Variants in DOT1L observed in about 807,000 individuals in gnomAD.
The protein encoded by DOT1L is histone-lysine N-methyltransferase, H3 lysine-79 specific.
DOT1L carries 33 observed loss-of-function variants against 153.3 expected under a neutral mutation model. The ratio of observed to expected loss-of-function variants is 0.22; its 90% CI spans 0.16 to 0.29. DOT1L has a LOEUF of 0.29. Ranked by LOEUF, DOT1L falls within the 10% of genes least tolerant of loss-of-function variation. DOT1L has a pLI of 1.00. For synonymous variants in DOT1L, 1,135 were observed against 965.1 expected, an observed-to-expected ratio of 1.18 and a Z score of -3.26; for missense variants, 1,847 against 2,119.9, an observed-to-expected ratio of 0.87 and a Z score of 2.53.
rs773049220 is a variant in DOT1L, at chr19:2,191,253, C to T, written c.493+13C>T. 30 of 1,612,542 alleles carry T rather than the reference C, an allele frequency of 1.9e-5. No individual in the cohort carries two copies. The highest frequency in any genetic ancestry group is 1.1e-4 in the East Asian group (5 of 44,856). On this transcript the variant is annotated intron_variant, in intron 5 of 27. Coordinates refer to ENST00000398665, the MANE Select transcript of DOT1L (RefSeq NM_032482.3). The surrounding 1 kb of genome is among the most constrained non-coding windows in gnomAD (Gnocchi z 6.8). ...GACTTGGGGAGCGGTGAGTGTCGCC[C>T]GCCATGCCCGGCTCCTGTGCACTTC...
chr19:2,195,001 G>C (rs955813791), intron 7 of DOT1L, among the ~76,000 whole-genome samples: 21 of 152,136 alleles, frequency 1.4e-4, no homozygotes, highest in African/African-American at 5.1e-4. Flanking sequence ...AGCAACCTCG[G>C]GGTGGGCAGT....
At position 2,217,716 on chromosome 19, in the gene DOT1L, C is replaced by A. The variant is rs961868616; in HGVS notation, c.2545-56C>A. 33 of 1,556,764 alleles carry A rather than the reference C, an allele frequency of 2.1e-5. No homozygotes were observed. Among genetic ancestry groups the A allele is most frequent in the Non-Finnish European group, 2.4e-5 (28 of 1,150,772 alleles). ...GGCCCCCGTCCTGTGGCTGTGGTCC[C>A]TGTGTCCTGGAGGGGTTTGTTGACC... On this transcript the variant is annotated intron_variant, in intron 21 of 27. Coordinates refer to ENST00000398665, the MANE Select transcript of DOT1L (RefSeq NM_032482.3). The surrounding 1 kb of genome is among the most constrained non-coding windows in gnomAD (Gnocchi z 7.3).
chr19:2,169,342 TAGGA>T (rs995378950), intron 1 of DOT1L, among the ~76,000 whole-genome samples: 1 of 152,072 alleles, frequency 6.6e-6, no homozygotes, highest in Non-Finnish European at 1.5e-5. Context: ...TCGCTTTAAA[TAGGA>T]AGGAATAATA....
At position 2,191,340 on chromosome 19, in the gene DOT1L, G is replaced by A. The variant is rs898429436; in HGVS notation, c.493+100G>A. 29 of 1,258,656 alleles carry A rather than the reference G, an allele frequency of 2.3e-5. No individual in the cohort carries two copies. The Middle Eastern group carries it at 1.3e-3, about 57-fold the overall frequency. 78.0% of individuals were successfully genotyped at this position (1,258,656 alleles called of 1,614,324 possible). ...GGAGAAGAGTTTATCAGGGACTTGC[G>A]ACGTTGGCGTGGACAGTGCTTCCTT... On this transcript the variant is annotated intron_variant, in intron 5 of 27. Transcript: ENST00000398665. This position sits in a 1 kb window ranked among gnomAD's most constrained non-coding sequence, Gnocchi z 6.8.
chr19:2,193,468 G>T lies in DOT1L; in HGVS notation c.494-221G>T, dbSNP rs1343579227. 6.6e-6 allele frequency among the ~76,000 whole-genome samples: 1 copy of T among 152,210 alleles called. No individual in the cohort carries two copies. Among genetic ancestry groups the T allele is most frequent in the Non-Finnish European group, 1.5e-5 (1 of 68,036 alleles). On this transcript the variant is annotated intron_variant, in intron 5 of 27. Transcript: ENST00000398665. The surrounding 1 kb of genome is among the most constrained non-coding windows in gnomAD (Gnocchi z 5.9). Reference sequence around the variant, plus strand: ...GGGCCACCAAGTGATGTCCATGGATGACGCGTTGTGATGACCGTCCCCTCG... The same window carrying T: ...GGGCCACCAAGTGATGTCCATGGATTACGCGTTGTGATGACCGTCCCCTCG...
In DOT1L at chr19:2,231,892, G is replaced by A. The variant is rs2144977720; in HGVS notation, c.*2100G>A. The A allele has an allele frequency of 4.5e-6, 1 of 220,048 alleles. No homozygotes were observed. Among genetic ancestry groups the A allele is most frequent in the East Asian group, 6.6e-5 (1 of 15,088 alleles). 13.6% of individuals were successfully genotyped at this position (220,048 alleles called of 1,614,324 possible). On this transcript the variant is annotated 3_prime_UTR_variant, in exon 28 of 28. Coordinates refer to ENST00000398665, the MANE Select transcript of DOT1L (RefSeq NM_032482.3). ...ACCGTATGTTCAGGACACGCACTGG[G>A]TCTCAGAGCCACTGGCCCAGGCAGA...
At chr19:2,227,676 G>C in intron 27 of DOT1L, 1 of 1,286,388 alleles carries the variant, frequency 7.8e-7, no homozygotes, top group Non-Finnish European at 1.0e-6. Flanking sequence ...TGCGGCTGCT[G>C]CTCTGCGCTT....
intron 27 of DOT1L, chr19:2,229,486 T>G: frequency 2.0e-6 from 2 of 985,480 alleles, no homozygotes; most frequent in Non-Finnish European, 2.4e-6. Flanking sequence ...CAAGCTATGC[T>G]GGGTCTCTTA....
chr19:2,172,933 T>C (rs1163747266), intron 1 of DOT1L, among the ~76,000 whole-genome samples: 3 of 150,726 alleles, frequency 2.0e-5, no homozygotes, highest in African/African-American at 2.4e-5. Context: ...GCTGAGATCG[T>C]GCCACTGCAC....
In DOT1L at chr19:2,164,260, G is replaced by A; in HGVS notation, c.76G>A (p.Val26Ile). Residue 26 changes from valine to isoleucine, a missense_variant, in exon 1 of 28, where the codon GTC becomes ATC. Around this residue, in one of 8 missense-constraint regions of DOT1L, gnomAD observed 37 missense variants for 31.0 expected, o/e 1.19. Coordinates refer to ENST00000398665, the MANE Select transcript of DOT1L (RefSeq NM_032482.3). ...EPAVYPWPLP[V>I]YDKHHDAAHE... Reference sequence around the variant, plus strand: ...CGCCGTCTACCCGTGGCCGCTGCCGGTCTACGTGAGTGCCGCCCTCCACCG... The same window carrying A: ...CGCCGTCTACCCGTGGCCGCTGCCGATCTACGTGAGTGCCGCCCTCCACCG... The A allele has an allele frequency of 1.6e-6, 2 of 1,273,818 alleles. No individual in the cohort carries two copies. 78.9% of individuals were successfully genotyped at this position (1,273,818 alleles called of 1,614,324 possible).
intron 27 of DOT1L, chr19:2,228,791 C>G (rs2024478567): frequency 2.0e-6 from 2 of 985,290 alleles, no homozygotes; most frequent in Admixed American, 6.1e-5. Flanking sequence ...GTGCTGTTCC[C>G]CAGGCGCCCA....
chr19:2,177,709 G>T (rs901862372), intron 1 of DOT1L, among the ~76,000 whole-genome samples: 1 of 151,628 alleles, frequency 6.6e-6, no homozygotes, highest in Non-Finnish European at 1.5e-5. Flanking sequence ...GCCAACCCTC[G>T]CCAGCCCTGC....
chr19:2,164,509 G>T (rs917315796), intron 1 of DOT1L: 11 of 309,174 alleles, frequency 3.6e-5, no homozygotes, highest in Non-Finnish European at 6.5e-5. Context: ...GCCCTACCGC[G>T]GTGCCGTTGC....
chr19:2,231,225 C>T lies in DOT1L; in HGVS notation c.*1433C>T, dbSNP rs1012840462. The T allele has an allele frequency of 8.8e-6, 2 of 228,164 alleles. No homozygotes were observed. The highest frequency in any genetic ancestry group is 1.7e-5 in the Non-Finnish European group (2 of 114,868). The allele number at this position is 228,164 out of a possible 1,614,324, so 14.1% of individuals were successfully genotyped here. A position where few individuals can be genotyped will look rare whatever the true frequency, so the allele number is the denominator to read the frequency against. ...GCATCTGGCCCTGGGCTGTGTGGCA[C>T]TTGCTGAGCCCACCTTCTCAAGTGC... is the stretch of plus-strand genomic sequence containing the variant. On this transcript the variant is annotated 3_prime_UTR_variant, in exon 28 of 28. Coordinates refer to ENST00000398665, the MANE Select transcript of DOT1L (RefSeq NM_032482.3).
In DOT1L at chr19:2,204,175, G is replaced by A. The variant is rs1420016054; in HGVS notation, c.787+1396G>A. Among the ~76,000 whole-genome samples, 2 of 151,732 alleles carry A rather than the reference G, an allele frequency of 1.3e-5. No homozygotes were observed. Among genetic ancestry groups the A allele is most frequent in the East Asian group, 1.9e-4 (1 of 5,174 alleles). ...CCCGTGTGCCTGTGTGTCTGTTAGC[G>A]TGTCTCTGTGTGCGTGCCTGTGCGT... is the stretch of plus-strand genomic sequence containing the variant. On this transcript the variant is annotated intron_variant, in intron 9 of 27. Transcript: ENST00000398665. The surrounding 1 kb of genome is among the most constrained non-coding windows in gnomAD (Gnocchi z 5.7).
chr19:2,215,284 A>C (rs1568360669), intron 19 of DOT1L, among the ~76,000 whole-genome samples: 1 of 151,900 alleles, frequency 6.6e-6, no homozygotes, highest in African/African-American at 2.4e-5. Context: ...AATAGCTTGT[A>C]CTTTCTGACA....
chr19:2,195,388 G>A (rs545151946), intron 7 of DOT1L, among the ~76,000 whole-genome samples: 2 of 152,218 alleles, frequency 1.3e-5, no homozygotes, highest in African/African-American at 4.8e-5. Context: ...CTGCTCAGGC[G>A]CTCACCTGTG....
At chr19:2,181,420 G>T (rs2022225753) in intron 2 of DOT1L, among the ~76,000 whole-genome samples, 1 of 152,206 alleles carries the variant, frequency 6.6e-6, no homozygotes, top group Non-Finnish European at 1.5e-5. Context: ...ATCTGCCCAG[G>T]CCTGCAGCTG....
rs541095231 is a variant in DOT1L, at chr19:2,186,943, G to A, written c.200+1014G>A. On this transcript the variant is annotated intron_variant, in intron 3 of 27. Transcript: ENST00000398665. ...AGCCGCATGGCAGGGTCCACAGGGA[G>A]GGGCCTGCAGGGCCCTGCACAGAGC... 4.6e-5 allele frequency among the ~76,000 whole-genome samples: 7 copies of A among 152,360 alleles called. No homozygotes were observed. In the East Asian group the frequency reaches 9.6e-4, roughly 21 times the overall value.
Sources: gnomAD v4.1 joint callset for allele counts (sites outside exome capture counted in the v4.1 genomes callset) on GRCh38, gnomAD v4.1.1 for gene constraint, gnomAD v4.1.1 regional missense constraint, Gnocchi (gnomAD v3.1) non-coding constraint, MANE v1.5 for transcripts, NCBI Gene and HGNC (gene_info 2026-07-23, HGNC 2026-07-21) for gene names.